THADA: variants seen among roughly 807,000 people sequenced by gnomAD.
The protein encoded by THADA is THADA armadillo repeat containing, also known as tRNA (32-2'-O)-methyltransferase regulator THADA.
THADA carries 213 observed loss-of-function variants against 219.8 expected under a neutral mutation model. The observed-to-expected ratio is 0.97, with a 90% CI of 0.87 to 1.09. The LOEUF (loss-of-function observed/expected upper bound fraction) is 1.09. Ranked by LOEUF, THADA falls within the 50% of genes least tolerant of loss-of-function variation. The probability of loss-of-function intolerance (pLI) is 0.00; values close to 1 mark genes in which losing one functional copy is unlikely to be tolerated. For synonymous variants in THADA, 1,018 were observed against 828.9 expected (o/e 1.23, Z -3.92); for missense variants, 2,956 against 2,311.3 (o/e 1.28, Z -5.72).
intron 29 of THADA, 96 bp downstream of exon 29, chr2:43,397,875 G>C: frequency 4.7e-6 from 6 of 1,287,622 alleles, no homozygotes; most frequent in Middle Eastern, 2.2e-4. Flanking sequence ...AAAGTTAAGA[G>C]GCTGTGTATC....
At chr2:43,468,169 C>T (rs760668499) in intron 26 of THADA, among the ~76,000 whole-genome samples, 12 of 152,236 alleles carry the variant, frequency 7.9e-5, no homozygotes, top group East Asian at 1.9e-4. Flanking sequence ...GCCAGTCACA[C>T]GGTGACTAAA....
intron 29 of THADA, among the ~76,000 whole-genome samples, chr2:43,344,854 G>A (rs542489043): frequency 3.9e-4 from 59 of 151,980 alleles, no homozygotes; most frequent in African/African-American, 1.4e-3. Context: ...GGATACTCGT[G>A]TATATGCATG....
chr2:43,525,207 A>C lies in THADA; in HGVS notation c.3374+2672T>G, dbSNP rs6722104. Among the ~76,000 whole-genome samples, 342 of 152,276 alleles carry C rather than the reference A, an allele frequency of 2.2e-3. 2 individuals are homozygous for C. Among genetic ancestry groups the C allele is most frequent in the Middle Eastern group, 0.01 (3 of 294 alleles). On this transcript the variant is annotated intron_variant, in intron 22 of 37. Transcript: ENST00000405975. ...CATTTGTCTGGTGACCAAGACTTAG[A>C]ATCACAGAAGCAACCATGAACTCCC...
At chr2:43,482,810 C>T (rs981984279) in intron 26 of THADA, among the ~76,000 whole-genome samples, 3 of 152,170 alleles carry the variant, frequency 2.0e-5, no homozygotes, top group African/African-American at 7.2e-5. Context: ...AAAAACCAAA[C>T]TATATCTCTA....
chr2:43,512,134 C>T (rs1690554327), intron 22 of THADA, among the ~76,000 whole-genome samples: 1 of 152,192 alleles, frequency 6.6e-6, no homozygotes, highest in Non-Finnish European at 1.5e-5. Flanking sequence ...AAAATGCCAT[C>T]GATAGAGCCA....
At chr2:43,359,850 C>A (rs1177476116) in intron 29 of THADA, among the ~76,000 whole-genome samples, 1 of 151,698 alleles carries the variant, frequency 6.6e-6, no homozygotes. Context: ...ACTCAAACTC[C>A]TAGGCTCAAG....
At chr2:43,462,305 G>A (rs904732607) in intron 26 of THADA, among the ~76,000 whole-genome samples, 8 of 152,188 alleles carry the variant, frequency 5.3e-5, no homozygotes, top group East Asian at 1.9e-4. Context: ...AGGGGAAGGC[G>A]CTGACCAAAA....
At chr2:43,427,515 G>GTGTGTGTGTGTGT (rs1553438539) in intron 28 of THADA, among the ~76,000 whole-genome samples, 1 of 150,892 alleles carries the variant, frequency 6.6e-6, no homozygotes, top group Non-Finnish European at 1.5e-5. Flanking sequence ...GTGTGTGTGT[G>GTGTGTGTGTGTGT]TGTGTGTGTG....
In THADA at chr2:43,232,893, A is replaced by G. The variant is rs925479610; in HGVS notation, c.5297-11T>C. On this transcript the variant is annotated splice_polypyrimidine_tract_variant and intron_variant, in intron 36 of 37. Coordinates refer to ENST00000405975, the MANE Select transcript of THADA (RefSeq NM_022065.5). Reference sequence around the variant, plus strand: ...GGCAGAAGGCAAACTCTGCAAAGACAGGAGAAAGGTGAGCAATGAATATAC... The same window carrying G: ...GGCAGAAGGCAAACTCTGCAAAGACGGGAGAAAGGTGAGCAATGAATATAC... The G allele has an allele frequency of 3.1e-6, 5 of 1,604,506 alleles. No homozygotes were observed. The Admixed American group carries it at 5.1e-5, about 16-fold the overall frequency.
intron 26 of THADA, among the ~76,000 whole-genome samples, chr2:43,472,946 G>A (rs1003544525): frequency 6.6e-6 from 1 of 152,190 alleles, no homozygotes; most frequent in African/African-American, 2.4e-5. Flanking sequence ...GTCTAGGGCA[G>A]TTACCACGAA....
chr2:43,329,623 A>G (rs1225100619), intron 30 of THADA, among the ~76,000 whole-genome samples: 1 of 152,262 alleles, frequency 6.6e-6, no homozygotes, highest in Non-Finnish European at 1.5e-5. Flanking sequence ...CATTTTTATA[A>G]ATCAACAAAG....
chr2:43,254,903 C>A (rs1187559006), intron 36 of THADA, among the ~76,000 whole-genome samples: 5 of 152,194 alleles, frequency 3.3e-5, no homozygotes, highest in African/African-American at 1.2e-4. Flanking sequence ...GTCTCCTGCA[C>A]TCTTTGGTCA....
chr2:43,296,571 C>T (rs565942301), intron 31 of THADA, among the ~76,000 whole-genome samples: 2 of 152,286 alleles, frequency 1.3e-5, no homozygotes, highest in East Asian at 3.9e-4. Flanking sequence ...CCACTGAGCC[C>T]AGCCAGGCAG....
rs180988213 is a variant in THADA, at chr2:43,587,299, G to A, written c.303-297C>T. 9.9e-5 allele frequency among the ~76,000 whole-genome samples: 15 copies of A among 152,228 alleles called. No homozygotes were observed. In the East Asian group the frequency reaches 2.3e-3, roughly 24 times the overall value. ...TAAAACCTCCAACAATATCCTTCTC[G>A]GTTAAAGTACTAGTTGAAGTGTTTA... is the stretch of plus-strand genomic sequence containing the variant. On this transcript the variant is annotated intron_variant, in intron 4 of 37. Coordinates refer to ENST00000405975, the MANE Select transcript of THADA (RefSeq NM_022065.5).
At position 43,586,384 on chromosome 2, in the gene THADA, C is replaced by A. The variant is rs879181824; in HGVS notation, c.533+17G>T. On this transcript the variant is annotated intron_variant, in intron 7 of 37. Transcript: ENST00000405975. The stretch of plus-strand genomic sequence containing the variant: ...ACTGCAAGTGTGCACACACAAATGC[C>A]AACATATAGCACTTGCCTATTTTCT... 1 of 1,562,416 alleles carries A rather than the reference C, an allele frequency of 6.4e-7. No individual in the cohort carries two copies. Among genetic ancestry groups the A allele is most frequent in the Non-Finnish European group, 8.6e-7 (1 of 1,157,442 alleles).
chr2:43,326,061 A>G (rs1359369025), intron 30 of THADA, among the ~76,000 whole-genome samples: 2 of 152,138 alleles, frequency 1.3e-5, no homozygotes, highest in South Asian at 4.1e-4. Context: ...GCAGCTACTA[A>G]AATTTCCGAC....
Position 43,293,185 on chromosome 2 carries a change from T to C in THADA, c.4467A>G (p.Glu1489=). 6.2e-7 allele frequency: 1 copy of C among 1,612,706 alleles called. No individual in the cohort carries two copies. Among genetic ancestry groups the C allele is most frequent in the Non-Finnish European group, 8.5e-7 (1 of 1,178,978 alleles). Reference sequence around the variant, plus strand: ...CTGATCCTGAGATAATCCCTCTGACTTCCTCCCAGAAGCCAAGACTCTCCA... The same window carrying C: ...CTGATCCTGAGATAATCCCTCTGACCTCCTCCCAGAAGCCAAGACTCTCCA... ...PVLESLGFWE[E]VRGIISGSEL... is the part of the protein sequence containing the mutation. The change falls in exon 32 of 38, where the codon GAA becomes GAG. Residue 1489 remains glutamate, a synonymous_variant. Coordinates refer to ENST00000405975, the MANE Select transcript of THADA (RefSeq NM_022065.5).
intron 17 of THADA, 134 bp downstream of exon 17, chr2:43,556,211 C>T: frequency 6.8e-7 from 1 of 1,465,702 alleles, no homozygotes; most frequent in Non-Finnish European, 9.0e-7. Context: ...TAATGAGAAC[C>T]CATGGTGCTC....
At chr2:43,478,011 T>C (rs1685742626) in intron 26 of THADA, among the ~76,000 whole-genome samples, 1 of 152,206 alleles carries the variant, frequency 6.6e-6, no homozygotes, top group Non-Finnish European at 1.5e-5. Context: ...CATCCTCCTC[T>C]GACCTCTTAT....
Sources: gnomAD v4.1 joint callset for allele counts (sites outside exome capture counted in the v4.1 genomes callset) on GRCh38, gnomAD v4.1.1 for gene constraint, MANE v1.5 for transcripts, NCBI Gene and HGNC (gene_info 2026-07-23, HGNC 2026-07-21) for gene names.